REEP6: variants seen among roughly 807,000 people sequenced by gnomAD.
The protein encoded by REEP6 is receptor expression-enhancing protein 6.
A neutral mutation model predicts 22.4 loss-of-function variants in REEP6; 19 were observed. That is an observed-to-expected ratio of 0.85 (90% CI 0.59 to 1.25). The LOEUF (loss-of-function observed/expected upper bound fraction) is 1.25. REEP6 is among the 50% of genes most tolerant of loss of function. The probability of loss-of-function intolerance (pLI) is 0.00; values close to 1 mark genes in which losing one functional copy is unlikely to be tolerated. For synonymous variants in REEP6, 121 were observed against 113.6 expected (o/e 1.06, Z -0.41); for missense variants, 273 against 251.9 (o/e 1.08, Z -0.57).
rs373306789 is a variant in REEP6, at chr19:1,496,877, CAT to C, written c.518-294_518-293del. 8.5e-4 allele frequency among the ~76,000 whole-genome samples: 129 copies of C among 152,144 alleles called. 1 individual carries two copies. In the East Asian group the frequency reaches 0.012, roughly 14 times the overall value. ...GAGTGAGCATGTTTTCTCACGTGTG[CAT>C]ATGTGTGTGTGTGCCCACGTGTGCA... is the stretch of plus-strand genomic sequence containing the variant. On this transcript the variant is annotated intron_variant, in intron 4 of 4. Coordinates refer to ENST00000233596, the MANE Select transcript of REEP6 (RefSeq NM_138393.4).
At chr19:1,495,675 G>T (rs2085000689) in intron 3 of REEP6, 68 bp downstream of exon 3, 1 of 1,599,294 alleles carries the variant, frequency 6.3e-7, no homozygotes, top group African/African-American at 1.3e-5. Context: ...GAGGCGCTGG[G>T]GCCAGAAAGT....
chr19:1,497,321 C>T lies in REEP6; in HGVS notation c.*110C>T, dbSNP rs1355714171. The T allele has an allele frequency of 1.5e-5, 16 of 1,039,638 alleles. No individual in the cohort carries two copies. Among genetic ancestry groups the T allele is most frequent in the Non-Finnish European group, 2.4e-5 (16 of 680,392 alleles). 64.4% of individuals were successfully genotyped at this position (1,039,638 alleles called of 1,614,324 possible). On this transcript the variant is annotated 3_prime_UTR_variant, in exon 5 of 5. Transcript: ENST00000233596. This position sits in a 1 kb window ranked among gnomAD's most constrained non-coding sequence, Gnocchi z 6.5. ...CGCATCCCCCAACAGCAGCCCCTGC[C>T]AGTCCCTCGGGTCCAGGCAAGGCCC...
At position 1,497,540 on chromosome 19, in the gene REEP6, C is replaced by A; in HGVS notation, c.*329C>A. ...AACACACCCAGCCGCCTGGTACTTC[C>A]TCCAGCCCCTCCCAGTCAGCCCTCC... is the stretch of plus-strand genomic sequence containing the variant. On this transcript the variant is annotated 3_prime_UTR_variant, in exon 5 of 5. Coordinates refer to ENST00000233596, the MANE Select transcript of REEP6 (RefSeq NM_138393.4). The surrounding 1 kb of genome is among the most constrained non-coding windows in gnomAD (Gnocchi z 6.5). The A allele has an allele frequency of 1.6e-6, 1 of 625,722 alleles. No homozygotes were observed. 38.8% of individuals were successfully genotyped at this position (625,722 alleles called of 1,614,324 possible). A position where few individuals can be genotyped will look rare whatever the true frequency, so the allele number is the denominator to read the frequency against.
At position 1,497,724 on chromosome 19, in the gene REEP6, G is replaced by A. The variant is rs1420375450; in HGVS notation, c.*513G>A. The A allele has an allele frequency of 1.1e-5, 5 of 471,596 alleles. No individual in the cohort carries two copies. In the Admixed American group the frequency reaches 1.2e-4, roughly 11 times the overall value. 29.2% of individuals were successfully genotyped at this position (471,596 alleles called of 1,614,324 possible). A position where few individuals can be genotyped will look rare whatever the true frequency, so the allele number is the denominator to read the frequency against. On this transcript the variant is annotated 3_prime_UTR_variant, in exon 5 of 5. Transcript: ENST00000233596. The surrounding 1 kb of genome is among the most constrained non-coding windows in gnomAD (Gnocchi z 6.5). ...CAAGACCAGCGGACAGCGCCAGAAGGAATCGTCGAAACAGCCTGCCAGCAG... is the reference window on the plus strand; with the variant it reads ...CAAGACCAGCGGACAGCGCCAGAAGAAATCGTCGAAACAGCCTGCCAGCAG...
At chr19:1,495,796 GAT>G in intron 3 of REEP6, 189 bp downstream of exon 3, 1 of 712,588 alleles carries the variant, frequency 1.4e-6, no homozygotes, top group South Asian at 1.9e-5. Context: ...AAGGGTGTCT[GAT>G]GGTGGAGACC....
Position 1,496,722 on chromosome 19 carries a change from G to C in REEP6, c.517+269G>C. The C allele has an allele frequency of 4.5e-6, 3 of 659,852 alleles. No homozygotes were observed. In the South Asian group the frequency reaches 4.6e-5, roughly 10 times the overall value. The allele number at this position is 659,852 out of a possible 1,614,324, so 40.9% of individuals were successfully genotyped here. A position where few individuals can be genotyped will look rare whatever the true frequency, so the allele number is the denominator to read the frequency against. On this transcript the variant is annotated intron_variant, in intron 4 of 4. Transcript: ENST00000233596. Reference sequence around the variant, plus strand: ...GAGCTGTGTGTGTGTGTGTGTGCGCGCGCGCGCGCGTGTGTTTGAGCGTAT... The same window carrying C: ...GAGCTGTGTGTGTGTGTGTGTGCGCCCGCGCGCGCGTGTGTTTGAGCGTAT...
At chr19:1,496,717 T>TGC (rs34524945) in intron 4 of REEP6, 221 of 584,092 alleles carry the variant, frequency 3.8e-4, no homozygotes, top group Middle Eastern at 2.7e-3. Flanking sequence ...TGTGTGTGTG[T>TGC]GCGCGCGCGC....
At chr19:1,496,553 C>T (rs1365586247) in intron 4 of REEP6, 100 bp downstream of exon 4, 2 of 1,333,566 alleles carry the variant, frequency 1.5e-6, no homozygotes, top group African/African-American at 2.9e-5. Flanking sequence ...CGCCCCCTCT[C>T]ACTGTCCGCC....
chr19:1,497,149 C>G lies in REEP6; in HGVS notation c.518-25C>G. 4 of 1,294,428 alleles carry G rather than the reference C, an allele frequency of 3.1e-6. No homozygotes were observed. Among genetic ancestry groups the G allele is most frequent in the Non-Finnish European group, 4.1e-6 (4 of 970,780 alleles). 80.2% of individuals were successfully genotyped at this position (1,294,428 alleles called of 1,614,324 possible). ...GAGCCCAGGCCTGCCTCACGGCCCT[C>G]CCCCACCCGCCCCTCTCTCTGCAGT... is the stretch of plus-strand genomic sequence containing the variant. On this transcript the variant is annotated intron_variant, in intron 4 of 4. Transcript: ENST00000233596. The surrounding 1 kb of genome is among the most constrained non-coding windows in gnomAD (Gnocchi z 6.5).
chr19:1,496,217 C>T (rs895091541), intron 3 of REEP6, 68 bp from the exon 4 acceptor site: 7 of 1,520,740 alleles, frequency 4.6e-6, no homozygotes, highest in Non-Finnish European at 6.2e-6. Flanking sequence ...TGGAGTGGTG[C>T]AGCCCCTCTC....
chr19:1,493,350 G>C (rs150504083), intron 1 of REEP6, among the ~76,000 whole-genome samples: 116 of 152,216 alleles, frequency 7.6e-4, no homozygotes, highest in Non-Finnish European at 1.4e-3. Context: ...ACAGTGACTG[G>C]GAGGCCACTC....
Position 1,491,404 on chromosome 19 carries a change from C to T in REEP6, c.115+20C>T, listed in dbSNP as rs1476816446. On this transcript the variant is annotated intron_variant, in intron 1 of 4. Transcript: ENST00000233596. This position sits in a 1 kb window ranked among gnomAD's most constrained non-coding sequence, Gnocchi z 5.4. ...CTGCAGGTGAGCCGTCGGCGCTAGC[C>T]CGTTTCGCCGACGGGCACACCGAGG... 5.8e-6 allele frequency: 8 copies of T among 1,390,098 alleles called. No homozygotes were observed. The South Asian group carries it at 1.3e-4, about 22-fold the overall frequency. 86.1% of individuals were successfully genotyped at this position (1,390,098 alleles called of 1,614,324 possible). A position where few individuals can be genotyped will look rare whatever the true frequency, so the allele number is the denominator to read the frequency against.
In REEP6 at chr19:1,491,585, C is replaced by T. The variant is rs1237415033; in HGVS notation, c.115+201C>T. ...CTGCTCCCGGGCCACCCCTCTCTAG[C>T]TTCCGCCCCTGGCCGCCCCCCGACG... On this transcript the variant is annotated intron_variant, in intron 1 of 4. Transcript: ENST00000233596. This position sits in a 1 kb window ranked among gnomAD's most constrained non-coding sequence, Gnocchi z 5.4. Among the ~76,000 whole-genome samples the T allele has an allele frequency of 6.6e-6, 1 of 152,164 alleles. No homozygotes were observed. The highest frequency in any genetic ancestry group is 1.5e-5 in the Non-Finnish European group (1 of 68,002).
At chr19:1,495,711 T>G in intron 3 of REEP6, 104 bp downstream of exon 3, 1 of 1,483,534 alleles carries the variant, frequency 6.7e-7, no homozygotes, top group Non-Finnish European at 9.2e-7. Context: ...AGATGGGGGA[T>G]GTGAGGGGAA....
In REEP6 at chr19:1,495,869, T is replaced by G. The variant is rs377538224; in HGVS notation, c.348+262T>G. ...GCTCACCCTACAGGATGTCTGATGG[T>G]GGAGGGCCCACCCTGAAGGGTGTCT... On this transcript the variant is annotated intron_variant, in intron 3 of 4. Transcript: ENST00000233596. 2.6e-5 allele frequency: 15 copies of G among 584,152 alleles called. No homozygotes were observed. In the East Asian group the frequency reaches 3.2e-4, roughly 12 times the overall value. 36.2% of individuals were successfully genotyped at this position (584,152 alleles called of 1,614,324 possible).
At position 1,497,127 on chromosome 19, in the gene REEP6, C is replaced by T; in HGVS notation, c.518-47C>T. Reference sequence around the variant, plus strand: ...CCCGCCTGCGAGCAGCTCCGGGGAGCCCAGGCCTGCCTCACGGCCCTCCCC... The same window carrying T: ...CCCGCCTGCGAGCAGCTCCGGGGAGTCCAGGCCTGCCTCACGGCCCTCCCC... On this transcript the variant is annotated intron_variant, in intron 4 of 4. Coordinates refer to ENST00000233596, the MANE Select transcript of REEP6 (RefSeq NM_138393.4). The surrounding 1 kb of genome is among the most constrained non-coding windows in gnomAD (Gnocchi z 6.5). The T allele has an allele frequency of 7.5e-7, 1 of 1,332,694 alleles. No homozygotes were observed. The highest frequency in any genetic ancestry group is 1.0e-6 in the Non-Finnish European group (1 of 991,630). The allele number at this position is 1,332,694 out of a possible 1,614,324, so 82.6% of individuals were successfully genotyped here. A position where few individuals can be genotyped will look rare whatever the true frequency, so the allele number is the denominator to read the frequency against.
At chr19:1,495,238 G>T in intron 1 of REEP6, 56 bp from the exon 2 acceptor site, 1 of 1,561,058 alleles carries the variant, frequency 6.4e-7, no homozygotes. Context: ...CCTGGGTACC[G>T]TCGTGGGGGC....
rs748388965 is a variant in REEP6, at chr19:1,496,330, G to A, written c.394G>A (p.Ala132Thr). The A allele has an allele frequency of 1.9e-6, 3 of 1,612,218 alleles. No homozygotes were observed. Among genetic ancestry groups the A allele is most frequent in the Non-Finnish European group, 1.7e-6 (2 of 1,179,604 alleles). The part of the protein sequence containing the change: ...FCMAPRPWNG[A>T]LMLYQRVVRP... The stretch of plus-strand genomic sequence containing the variant: ...CATGGCTCCCAGGCCCTGGAACGGG[G>A]CTCTCATGCTGTATCAGCGCGTCGT... Residue 132 changes from alanine to threonine, a missense_variant, in exon 4 of 5, where the codon GCT (alanine) becomes ACT (threonine). By Grantham distance (58) the Ala-to-Thr change is moderately conservative. Transcript: ENST00000233596.
At chr19:1,494,096 C>T (rs556672190) in intron 1 of REEP6, among the ~76,000 whole-genome samples, 1 of 152,174 alleles carries the variant, frequency 6.6e-6, no homozygotes, top group African/African-American at 2.4e-5. Flanking sequence ...TAGAAATAAA[C>T]GTGCAGAAAG....
Sources: gnomAD v4.1 joint callset for allele counts (sites outside exome capture counted in the v4.1 genomes callset) on GRCh38, gnomAD v4.1.1 for gene constraint, Gnocchi (gnomAD v3.1) non-coding constraint, MANE v1.5 for transcripts, NCBI Gene and HGNC (gene_info 2026-07-23, HGNC 2026-07-21) for gene names.